The following PCCA variants were observed in gnomAD, a reference collection of about 807,000 sequenced individuals.
PCCA encodes the protein propionyl-CoA carboxylase subunit alpha.
In PCCA, 74 loss-of-function variants were observed where a neutral mutation model predicts 101.3. That is an observed-to-expected ratio of 0.73 (90% CI 0.61 to 0.89). The LOEUF (loss-of-function observed/expected upper bound fraction) is 0.89, where lower values mean the gene tolerates loss of function less well. Among genes scored for constraint, PCCA ranks in the 40% least tolerant of loss-of-function variants. The pLI, the probability that PCCA is intolerant of heterozygous loss-of-function variation, is 0.00. For synonymous variants in PCCA, 294 were observed against 313.6 expected, an observed-to-expected ratio of 0.94 and a Z score of 0.66; for missense variants, 891 against 907.0, an observed-to-expected ratio of 0.98 and a Z score of 0.23.
chr13:100,513,535 G>A (rs558316900), intron 21 of PCCA, among the ~76,000 whole-genome samples: 30 of 152,192 alleles, frequency 2.0e-4, no homozygotes, highest in Non-Finnish European at 3.1e-4. Context: ...TCCAGTGTTC[G>A]TCAGAATCTT....
chr13:100,260,308 T>C (rs1247972652), intron 9 of PCCA, among the ~76,000 whole-genome samples: 2 of 152,100 alleles, frequency 1.3e-5, no homozygotes, highest in Non-Finnish European at 2.9e-5. Context: ...GAAATGAGTT[T>C]TTTGCAATGT....
Position 100,163,990 on chromosome 13 carries a change from C to G in PCCA, c.468+6650C>G, listed in dbSNP as rs189538375. 3.6e-3 allele frequency among the ~76,000 whole-genome samples: 308 copies of G among 85,524 alleles called. 2 individuals carry two copies. The highest frequency in any genetic ancestry group is 9.1e-3 in the African/African-American group (293 of 32,146). 56.1% of individuals were successfully genotyped at this position (85,524 alleles called of 152,430 possible). On this transcript the variant is annotated intron_variant, in intron 6 of 23. Coordinates refer to ENST00000376285, the MANE Select transcript of PCCA (RefSeq NM_000282.4). ...AAGTAAAATGTAGAAATTTTGCGATCATATAGTCCATCCTCCTTCTCTTCC... is the reference window on the plus strand; with the variant it reads ...AAGTAAAATGTAGAAATTTTGCGATGATATAGTCCATCCTCCTTCTCTTCC...
chr13:100,495,560 C>G (rs2085213856), intron 21 of PCCA, among the ~76,000 whole-genome samples: 1 of 152,116 alleles, frequency 6.6e-6, no homozygotes, highest in Non-Finnish European at 1.5e-5. Context: ...TTTGAATGTT[C>G]TTGCTTCTCA....
At chr13:100,240,633 C>G (rs1426323549) in intron 8 of PCCA, among the ~76,000 whole-genome samples, 11 of 151,974 alleles carry the variant, frequency 7.2e-5, no homozygotes, top group Admixed American at 6.6e-4. Context: ...TGAAAAATTT[C>G]AATCATACGG....
rs183948439 is a variant in PCCA at position 100,404,522 on chromosome 13, G to A, written c.1747-21111G>A. On this transcript the variant is annotated intron_variant, in intron 19 of 23. Transcript: ENST00000376285. ...GGGGTCCCGGATGCATTCAAAAGGC[G>A]TACAAACTGAAGATGAATGGCTACC... 4.5e-4 allele frequency among the ~76,000 whole-genome samples: 69 copies of A among 152,244 alleles called. No individual in the cohort carries two copies. The East Asian group carries it at 0.01, about 22-fold the overall frequency.
chr13:100,185,970 T>G (rs2057230869), intron 6 of PCCA, among the ~76,000 whole-genome samples: 1 of 152,224 alleles, frequency 6.6e-6, no homozygotes, highest in South Asian at 2.1e-4. Flanking sequence ...TAACATTTAT[T>G]AGTTTCCTGC....
At chr13:100,402,644 A>C (rs1328247441) in intron 19 of PCCA, among the ~76,000 whole-genome samples, 2 of 152,164 alleles carry the variant, frequency 1.3e-5, no homozygotes, top group African/African-American at 4.8e-5. Flanking sequence ...TGATAAGTAC[A>C]TTGAGATATA....
At chr13:100,112,871 C>T (rs917095962) in intron 4 of PCCA, among the ~76,000 whole-genome samples, 13 of 81,094 alleles carry the variant, frequency 1.6e-4, no homozygotes, top group African/African-American at 2.2e-4. Flanking sequence ...CCACCACACC[C>T]GGCCCACAGC....
At chr13:100,131,610 C>T (rs1423575878) in intron 4 of PCCA, among the ~76,000 whole-genome samples, 3 of 152,144 alleles carry the variant, frequency 2.0e-5, no homozygotes, top group South Asian at 2.1e-4. Context: ...TTCGCATTAT[C>T]AATTTTTACC....
At chr13:100,393,835 A>T (rs963933350) in intron 19 of PCCA, among the ~76,000 whole-genome samples, 9 of 152,266 alleles carry the variant, frequency 5.9e-5, no homozygotes, top group Non-Finnish European at 1.3e-4. Flanking sequence ...CTTAGCAAGT[A>T]TATGAAACAC....
intron 14 of PCCA, among the ~76,000 whole-genome samples, chr13:100,304,736 T>C (rs1353827392): frequency 6.6e-6 from 1 of 152,222 alleles, no homozygotes; most frequent in African/African-American, 2.4e-5. Flanking sequence ...TGTTTGTTTT[T>C]CTTCCTTGTC....
intron 20 of PCCA, among the ~76,000 whole-genome samples, chr13:100,445,805 C>T (rs1453859985): frequency 2.6e-5 from 4 of 152,120 alleles, no homozygotes; most frequent in African/African-American, 7.2e-5. Flanking sequence ...TCTCTGTATC[C>T]GTTGGTCCAT....
chr13:100,202,698 C>G (rs1421595857), intron 6 of PCCA, among the ~76,000 whole-genome samples: 2 of 150,136 alleles, frequency 1.3e-5, no homozygotes, highest in African/African-American at 4.9e-5. Flanking sequence ...GTTGGATGTT[C>G]TTTTTTATTT....
chr13:100,208,361 A>ATGT (rs2058998962), intron 6 of PCCA, among the ~76,000 whole-genome samples: 1 of 152,178 alleles, frequency 6.6e-6, no homozygotes, highest in African/African-American at 2.4e-5. Flanking sequence ...CTAACATGGA[A>ATGT]TGAACAGGTG....
At chr13:100,100,579 A>C (rs967033316) in intron 1 of PCCA, among the ~76,000 whole-genome samples, 2 of 152,166 alleles carry the variant, frequency 1.3e-5, no homozygotes, top group African/African-American at 4.8e-5. Flanking sequence ...TCATTTAGAA[A>C]ATAAACTTTA....
chr13:100,200,648 A>T (rs1205185296), intron 6 of PCCA, among the ~76,000 whole-genome samples: 1 of 150,350 alleles, frequency 6.7e-6, no homozygotes, highest in African/African-American at 2.4e-5. Flanking sequence ...TATATTAATA[A>T]AATATATACC....
At chr13:100,367,677 G>A (rs1316577164) in intron 18 of PCCA, among the ~76,000 whole-genome samples, 10 of 139,402 alleles carry the variant, frequency 7.2e-5, no homozygotes, top group Admixed American at 6.8e-4. Flanking sequence ...TAATTATATC[G>A]GCCAGGCGCG....
intron 16 of PCCA, among the ~76,000 whole-genome samples, chr13:100,320,953 C>T (rs1348113647): frequency 6.6e-6 from 1 of 152,084 alleles, no homozygotes; most frequent in Non-Finnish European, 1.5e-5. Flanking sequence ...TCTTTGTTGT[C>T]CAGGCTGGTC....
intron 12 of PCCA, among the ~76,000 whole-genome samples, chr13:100,292,097 G>C (rs976479395): frequency 5.3e-5 from 8 of 152,180 alleles, no homozygotes; most frequent in Non-Finnish European, 1.2e-4. Flanking sequence ...GTTTTTGACA[G>C]CTTCTCAGAG....
Sources: allele counts gnomAD v4.1 joint callset (sites outside exome capture counted in the v4.1 genomes callset), GRCh38; gene constraint gnomAD v4.1.1; transcripts MANE v1.5; gene names NCBI Gene and HGNC (gene_info 2026-07-23, HGNC 2026-07-21).